The following BICDL1 variants were observed in gnomAD, a reference collection of about 807,000 sequenced individuals.
BICDL1 encodes BICD family like cargo adaptor 1.
Under a neutral mutation model 76.8 loss-of-function variants are expected in BICDL1, and 20 were observed. The observed-to-expected ratio is 0.26, with a 90% CI of 0.18 to 0.38. BICDL1 has a LOEUF of 0.38. BICDL1 is among the 10% of genes least tolerant of loss of function. The pLI, the probability that BICDL1 is intolerant of heterozygous loss-of-function variation, is 1.00. For synonymous variants in BICDL1, 383 were observed against 337.1 expected, an observed-to-expected ratio of 1.14 and a Z score of -1.49; for missense variants, 700 against 798.6, an observed-to-expected ratio of 0.88 and a Z score of 1.49.
intron 2 of BICDL1, among the ~76,000 whole-genome samples, chr12:120,003,158 T>TAAA (rs747568511): frequency 8.1e-5 from 11 of 136,630 alleles, no homozygotes; most frequent in South Asian, 2.4e-4. Flanking sequence ...ACCCCATCTT[T>TAAA]AAAAAAAAAA....
chr12:120,071,552 C>T lies in BICDL1; in HGVS notation c.910-70C>T. 6.7e-7 allele frequency: 1 copy of T among 1,493,798 alleles called. No homozygotes were observed. The highest frequency in any genetic ancestry group is 8.9e-7 in the Non-Finnish European group (1 of 1,122,700). 92.5% of individuals were successfully genotyped at this position (1,493,798 alleles called of 1,614,324 possible). On this transcript the variant is annotated intron_variant, in intron 4 of 9. Coordinates refer to ENST00000548673, the MANE Select transcript of BICDL1 (RefSeq NM_001367886.1). The surrounding 1 kb of genome is among the most constrained non-coding windows in gnomAD (Gnocchi z 4.8). The stretch of plus-strand genomic sequence containing the variant: ...TGGTGGTTGGATCCAGAAGCATGAT[C>T]AGGTTGAGGGTCAGTTTGTCTTGGT...
At chr12:120,044,621 A>G (rs1291183191) in intron 2 of BICDL1, among the ~76,000 whole-genome samples, 1 of 152,236 alleles carries the variant, frequency 6.6e-6, no homozygotes, top group South Asian at 2.1e-4. Flanking sequence ...AGCTTTCTAC[A>G]TATGGCTAGC....
At chr12:120,041,505 C>G (rs892790124) in intron 2 of BICDL1, among the ~76,000 whole-genome samples, 1 of 152,116 alleles carries the variant, frequency 6.6e-6, no homozygotes, top group African/African-American at 2.4e-5. Flanking sequence ...AAGGCCCAGA[C>G]CTTTTGAAAC....
At chr12:120,090,463 C>T (rs1426581941) in intron 9 of BICDL1, among the ~76,000 whole-genome samples, 1 of 152,192 alleles carries the variant, frequency 6.6e-6, no homozygotes, top group African/African-American at 2.4e-5. Flanking sequence ...CCAGCAGCTG[C>T]TACCCTTCCC....
At chr12:120,092,597 G>A (rs1010747911) in intron 9 of BICDL1, 3 of 985,454 alleles carry the variant, frequency 3.0e-6, no homozygotes, top group Non-Finnish European at 3.6e-6. Context: ...AGGGCCTGCC[G>A]GGGCTGGGGG....
chr12:120,055,303 C>A (rs556500413), intron 2 of BICDL1, among the ~76,000 whole-genome samples: 168 of 152,302 alleles, frequency 1.1e-3, no homozygotes, highest in African/African-American at 3.7e-3. Context: ...TTCCTTCCCT[C>A]CATTTAACAA....
chr12:120,028,679 AAAT>A (rs906170067), intron 2 of BICDL1, among the ~76,000 whole-genome samples: 2 of 152,094 alleles, frequency 1.3e-5, no homozygotes, highest in African/African-American at 2.4e-5. Flanking sequence ...TCAGACTCAA[AAAT>A]AATAATAATA....
rs1263700866 is a variant in BICDL1, at chr12:120,072,506, A to T, written c.1090-5A>T. ...TGAAATGAATAGTAATTCTCTGTGG[A>T]ACAGCTGAGACTGCAGCTCTGGGAA... On this transcript the variant is annotated splice_region_variant and splice_polypyrimidine_tract_variant and intron_variant, in intron 5 of 9. Coordinates refer to ENST00000548673, the MANE Select transcript of BICDL1 (RefSeq NM_001367886.1). 6.2e-7 allele frequency: 1 copy of T among 1,613,762 alleles called. No individual in the cohort carries two copies. Among genetic ancestry groups the T allele is most frequent in the Non-Finnish European group, 8.5e-7 (1 of 1,179,774 alleles).
intron 2 of BICDL1, among the ~76,000 whole-genome samples, chr12:120,061,278 C>T (rs752040939): frequency 9.2e-5 from 14 of 152,140 alleles, no homozygotes; most frequent in Non-Finnish European, 1.6e-4. Flanking sequence ...AATGCAGATG[C>T]ACGTGATTTG....
At chr12:120,012,075 A>G (rs1417811793) in intron 2 of BICDL1, among the ~76,000 whole-genome samples, 3 of 152,178 alleles carry the variant, frequency 2.0e-5, no homozygotes, top group South Asian at 4.1e-4. Flanking sequence ...GTAACTTTGT[A>G]ATGCTGCCGC....
chr12:120,021,293 AAGGAG>A (rs1353257192), intron 2 of BICDL1, among the ~76,000 whole-genome samples: 1 of 150,590 alleles, frequency 6.6e-6, no homozygotes, highest in Non-Finnish European at 1.5e-5. Flanking sequence ...CAAAAAAAAA[AAGGAG>A]AGAATAGGCA....
At chr12:120,053,662 A>G (rs1317699381) in intron 2 of BICDL1, among the ~76,000 whole-genome samples, 1 of 151,964 alleles carries the variant, frequency 6.6e-6, no homozygotes, top group African/African-American at 2.4e-5. Context: ...CTCATCCTGT[A>G]TTTTTCCTGC....
intron 2 of BICDL1, among the ~76,000 whole-genome samples, chr12:120,036,666 A>G (rs1011958754): frequency 3.9e-5 from 6 of 152,198 alleles, no homozygotes; most frequent in Non-Finnish European, 7.3e-5. Context: ...ACCTGAGGTC[A>G]GGAGTTCAAG....
intron 2 of BICDL1, chr12:120,019,321 TTATTTA>T (rs1952132722): frequency 6.6e-6 from 1 of 152,196 alleles, no homozygotes; most frequent in Non-Finnish European, 1.5e-5. Context: ...TGTTACTCAT[TTATTTA>T]TATTTCTTTT....
At chr12:120,020,847 A>G (rs1028891514) in intron 2 of BICDL1, among the ~76,000 whole-genome samples, 1 of 152,246 alleles carries the variant, frequency 6.6e-6, no homozygotes, top group Non-Finnish European at 1.5e-5. Context: ...AGTATGAAGT[A>G]AACAGCTCAC....
chr12:120,024,340 ATGTC>A (rs1258157401), intron 2 of BICDL1, among the ~76,000 whole-genome samples: 1 of 152,164 alleles, frequency 6.6e-6, no homozygotes, highest in African/African-American at 2.4e-5. Flanking sequence ...GAAAATGACA[ATGTC>A]TGAGATGAAA....
intron 7 of BICDL1, among the ~76,000 whole-genome samples, chr12:120,076,022 G>A (rs1290939685): frequency 6.6e-6 from 1 of 152,260 alleles, no homozygotes; most frequent in African/African-American, 2.4e-5. Context: ...AGCCCAGTGT[G>A]ATGGCACATG....
intron 2 of BICDL1, among the ~76,000 whole-genome samples, chr12:120,057,454 T>C (rs1952999747): frequency 6.6e-6 from 1 of 152,190 alleles, no homozygotes; most frequent in Non-Finnish European, 1.5e-5. Flanking sequence ...GAGCTAAGGC[T>C]TCCTTATTTA....
Position 120,081,029 on chromosome 12 carries a change from T to C in BICDL1, c.1583+12T>C, listed in dbSNP as rs571118221. ...GAGGCCATTGCAAAGTGAGTAGGGA[T>C]GGCTTCACTTTATTCTTAAGATAAA... On this transcript the variant is annotated intron_variant, in intron 8 of 9. Coordinates refer to ENST00000548673, the MANE Select transcript of BICDL1 (RefSeq NM_001367886.1). 6.2e-7 allele frequency: 1 copy of C among 1,611,518 alleles called. No individual in the cohort carries two copies. The highest frequency in any genetic ancestry group is 1.1e-5 in the South Asian group (1 of 90,992).
Sources: allele counts gnomAD v4.1 joint callset (sites outside exome capture counted in the v4.1 genomes callset), GRCh38; gene constraint gnomAD v4.1.1; non-coding constraint Gnocchi (gnomAD v3.1); transcripts MANE v1.5; gene names NCBI Gene and HGNC (gene_info 2026-07-23, HGNC 2026-07-21).